Variants in RFC2 observed in about 807,000 individuals in gnomAD.
RFC2 encodes replication factor C subunit 2.
A neutral mutation model predicts 44.8 loss-of-function variants in RFC2; 34 were observed. That is an observed-to-expected ratio of 0.76 (90% CI 0.58 to 1.01). RFC2 has a LOEUF of 1.01. RFC2 is among the 50% of genes least tolerant of loss of function. The pLI is 0.00. For synonymous variants in RFC2, 177 were observed against 168.9 expected (o/e 1.05, Z -0.37); for missense variants, 400 against 453.6 (o/e 0.88, Z 1.07).
At chr7:74,242,826 A>G (rs1375759779) in intron 6 of RFC2, among the ~76,000 whole-genome samples, 1 of 151,548 alleles carries the variant, frequency 6.6e-6, no homozygotes, top group Non-Finnish European at 1.5e-5. Flanking sequence ...AGGAGGCTGA[A>G]GCACAAGAAT....
chr7:74,238,835 C>T lies in RFC2; in HGVS notation c.759+88G>A. 9.4e-7 allele frequency: 1 copy of T among 1,066,732 alleles called. No individual in the cohort carries two copies. The highest frequency in any genetic ancestry group is 1.8e-5 in the Admixed American group (1 of 56,336). 66.1% of individuals were successfully genotyped at this position (1,066,732 alleles called of 1,614,324 possible). On this transcript the variant is annotated intron_variant, in intron 8 of 10. Coordinates refer to ENST00000055077, the MANE Select transcript of RFC2 (RefSeq NM_181471.3). This position sits in a 1 kb window ranked among gnomAD's most constrained non-coding sequence, Gnocchi z 4.0. ...CACAAGAGCAGCTAGATGTCCGTCC[C>T]CACTGCCAGCCCAGCCCTTCAGCCC...
intron 2 of RFC2, among the ~76,000 whole-genome samples, chr7:74,252,183 G>C (rs1399626100): frequency 6.8e-6 from 1 of 146,102 alleles, no homozygotes; most frequent in African/African-American, 2.5e-5. Flanking sequence ...CGAGGCGGGA[G>C]GATCATGAGG....
chr7:74,247,602 T>C (rs565999027), intron 4 of RFC2, among the ~76,000 whole-genome samples: 3 of 152,254 alleles, frequency 2.0e-5, no homozygotes, highest in African/African-American at 7.2e-5. Context: ...ATCGTGCCAC[T>C]GCACTCCAGC....
chr7:74,249,853 GAACA>G (rs1554720776), intron 2 of RFC2, 73 bp from the exon 3 acceptor site: 2 of 1,324,694 alleles, frequency 1.5e-6, no homozygotes. Flanking sequence ...ATAGAAAAAA[GAACA>G]AACAAGCAGG....
At position 74,243,211 on chromosome 7, in the gene RFC2, GTT is replaced by G; in HGVS notation, c.468_469del (p.Arg156SerfsTer7). 1 of 1,613,892 alleles carries G rather than the reference GTT, an allele frequency of 6.2e-7. No individual in the cohort carries two copies. Among genetic ancestry groups the G allele is most frequent in the African/African-American group, 1.3e-5 (1 of 75,024 alleles). ...AGTGGTTTTAGAGTAGATTTCCATG[GTT>G]CTCCTCAAGGCTTGCTGGGCTCCGT... On this transcript the variant is annotated frameshift_variant, in exon 6 of 11. Transcript: ENST00000055077. LOFTEE classifies it high-confidence loss of function.
At chr7:74,234,197 GA>G (rs1280075109) in intron 10 of RFC2, among the ~76,000 whole-genome samples, 1 of 152,138 alleles carries the variant, frequency 6.6e-6, no homozygotes, top group Non-Finnish European at 1.5e-5. Flanking sequence ...GTGAAAGAAA[GA>G]AGCCAAACTC....
chr7:74,251,459 G>A (rs1221871786), intron 2 of RFC2, among the ~76,000 whole-genome samples: 8 of 152,150 alleles, frequency 5.3e-5, no homozygotes, highest in Non-Finnish European at 1.0e-4. Flanking sequence ...CAAGGTGCTG[G>A]GATTACAGGT....
intron 10 of RFC2, among the ~76,000 whole-genome samples, chr7:74,233,610 T>A (rs1393684317): frequency 8.0e-5 from 12 of 149,556 alleles, no homozygotes; most frequent in Middle Eastern, 3.2e-3. Flanking sequence ...TTTTTTTTTT[T>A]TTTTTTTAAG....
chr7:74,252,235 G>A (rs1285091546), intron 2 of RFC2, among the ~76,000 whole-genome samples, 194 bp downstream of exon 2: 6 of 150,104 alleles, frequency 4.0e-5, no homozygotes, highest in South Asian at 2.1e-4. Flanking sequence ...GTGAAACCCC[G>A]TCTCTACTAA....
Position 74,231,963 on chromosome 7 carries a change from A to G in RFC2, c.*143T>C, listed in dbSNP as rs1802749313. 15 of 631,354 alleles carry G rather than the reference A, an allele frequency of 2.4e-5. No individual in the cohort carries two copies. The highest frequency in any genetic ancestry group is 2.8e-6 in the Non-Finnish European group (1 of 355,534). The allele number at this position is 631,354 out of a possible 1,614,324, so 39.1% of individuals were successfully genotyped here. A position where few individuals can be genotyped will look rare whatever the true frequency, so the allele number is the denominator to read the frequency against. On this transcript the variant is annotated 3_prime_UTR_variant, in exon 11 of 11. Coordinates refer to ENST00000055077, the MANE Select transcript of RFC2 (RefSeq NM_181471.3). ...CCAAAGTGTTGGGATTACAGGCGTG[A>G]GCTACCGTGCCTGGCCAGCCACTGG...
At chr7:74,232,757 C>T (rs369292621) in intron 10 of RFC2, among the ~76,000 whole-genome samples, 45 of 152,206 alleles carry the variant, frequency 3.0e-4, no homozygotes, top group African/African-American at 9.9e-4. Context: ...CCCAGCTACT[C>T]GGGAGGCTGA....
intron 7 of RFC2, among the ~76,000 whole-genome samples, chr7:74,239,621 G>C (rs977388988): frequency 1.3e-5 from 2 of 152,276 alleles, no homozygotes; most frequent in Non-Finnish European, 2.9e-5. Flanking sequence ...GTGAGCCACT[G>C]TGCCTGGCCA....
chr7:74,254,278 G>A lies in RFC2; in HGVS notation c.106C>T (p.Leu36=), dbSNP rs1363917129. 8.1e-6 allele frequency: 13 copies of A among 1,610,698 alleles called. No individual in the cohort carries two copies. Among genetic ancestry groups the A allele is most frequent in the Admixed American group, 6.7e-5 (4 of 59,918 alleles). ...TACGGCCTGGGACCTCACCACGGCA[G>A]TTCGTAGTGGCCGGCGCTGCCGGGG... ...KAPGSAGHYE[L]PWVEKYRPVK... The change falls in exon 1 of 11, where the codon CTG becomes TTG. Residue 36 remains leucine, a synonymous_variant. Transcript: ENST00000055077.
intron 1 of RFC2, 77 bp downstream of exon 1, chr7:74,254,194 G>A: frequency 1.8e-6 from 2 of 1,118,636 alleles, no homozygotes; most frequent in Non-Finnish European, 2.7e-6. Flanking sequence ...TGACCCCCGA[G>A]TTTCTCCGGA....
At chr7:74,246,308 G>T (rs1803603101) in intron 5 of RFC2, among the ~76,000 whole-genome samples, 1 of 150,916 alleles carries the variant, frequency 6.6e-6, no homozygotes, top group South Asian at 2.1e-4. Flanking sequence ...CTGAGGCCAG[G>T]GAACCGCCTG....
At chr7:74,248,910 T>C (rs568756815) in intron 4 of RFC2, 102 bp downstream of exon 4, 21 of 785,902 alleles carry the variant, frequency 2.7e-5, no homozygotes, top group Non-Finnish European at 4.2e-5. Flanking sequence ...ATCACATAGC[T>C]GGCAAGGCTT....
intron 3 of RFC2, 114 bp from the exon 4 acceptor site, chr7:74,249,232 C>T (rs1554720623): frequency 1.3e-6 from 2 of 1,557,414 alleles, no homozygotes; most frequent in African/African-American, 1.4e-5. Context: ...TGCATTCCAC[C>T]CACAGCACAC....
Position 74,249,076 on chromosome 7 carries a change from C to G in RFC2, c.268G>C (p.Ala90Pro). 6.2e-7 allele frequency: 1 copy of G among 1,614,028 alleles called. No individual in the cohort carries two copies. ...AGTGCTGGGCCCAGCAGGGCCCGGG[C>G]CAAGCACAGAATGCTTGTGGTCTTG... ...TGKTTSILCL[A>P]RALLGPALKD... Residue 90 changes from alanine (A) to proline (P), a missense_variant, in exon 4 of 11, where the codon GCC (alanine) becomes CCC (proline). Physicochemically the swap from Ala to Pro is conservative, Grantham distance 27. Transcript: ENST00000055077.
Position 74,231,846 on chromosome 7 carries a change from A to T in RFC2, c.*260T>A, listed in dbSNP as rs1802742807. The T allele has an allele frequency of 3.5e-6, 1 of 283,032 alleles. No individual in the cohort carries two copies. The highest frequency in any genetic ancestry group is 6.7e-6 in the Non-Finnish European group (1 of 149,494). The allele number at this position is 283,032 out of a possible 1,614,324, so 17.5% of individuals were successfully genotyped here. On this transcript the variant is annotated 3_prime_UTR_variant, in exon 11 of 11. Transcript: ENST00000055077. ...AGGTGCCCGCCACCACACCCAGCTA[A>T]TTTTTATATTTTTAGTAAAGACAGG... is the stretch of plus-strand genomic sequence containing the variant.
Sources: gnomAD v4.1 joint callset for allele counts (sites outside exome capture counted in the v4.1 genomes callset) on GRCh38, gnomAD v4.1.1 for gene constraint, Gnocchi (gnomAD v3.1) non-coding constraint, MANE v1.5 for transcripts, NCBI Gene and HGNC (gene_info 2026-07-23, HGNC 2026-07-21) for gene names.